Variants in SOAT1 observed in about 807,000 individuals in gnomAD.
SOAT1 encodes sterol O-acyltransferase 1, also known as acyl-coenzyme A:cholesterol acyltransferase 1.
SOAT1 carries 55 observed loss-of-function variants against 69.5 expected under a neutral mutation model. The ratio of observed to expected loss-of-function variants is 0.79; its 90% CI spans 0.64 to 0.99. The LOEUF (loss-of-function observed/expected upper bound fraction) is 0.99. SOAT1 is among the 50% of genes least tolerant of loss of function. The pLI is 0.00. For missense variants in SOAT1, 580 were observed against 669.3 expected, an observed-to-expected ratio of 0.87 and a Z score of 1.47; for synonymous variants, 231 against 224.7, an observed-to-expected ratio of 1.03 and a Z score of -0.25.
At chr1:179,299,578 T>C (rs1477752653) in intron 1 of SOAT1, among the ~76,000 whole-genome samples, 1 of 152,102 alleles carries the variant, frequency 6.6e-6, no homozygotes, top group African/African-American at 2.4e-5. Context: ...CAATAGTATC[T>C]GTCTTGATTC....
chr1:179,318,185 A>T (rs1484011870), intron 2 of SOAT1, among the ~76,000 whole-genome samples: 1 of 152,066 alleles, frequency 6.6e-6, no homozygotes, highest in Non-Finnish European at 1.5e-5. Flanking sequence ...ACAGAGTGAG[A>T]TCCTGTCTCA....
At chr1:179,330,067 A>G (rs1366919258) in intron 3 of SOAT1, among the ~76,000 whole-genome samples, 2 of 152,182 alleles carry the variant, frequency 1.3e-5, no homozygotes, top group African/African-American at 4.8e-5. Context: ...AGACAGTGGT[A>G]AAGCAGTAGA....
In SOAT1 at chr1:179,345,017, A is replaced by G. The variant is rs748726759; in HGVS notation, c.1058A>G (p.Lys353Arg). The change falls in exon 11 of 16, where the codon AAA becomes AGA. Residue 353 changes from lysine (K) to arginine (R), a missense_variant. By Grantham distance (26) the Lys-to-Arg change is conservative. Transcript: ENST00000367619. ...TGTGCCCCCTTGTTTCGGAATATCA[A>G]ACAGGAGCCCTTCAGCGCTCGTGTT... ...RLCAPLFRNI[K>R]QEPFSARVLV... 1 of 1,614,160 alleles carries G rather than the reference A, an allele frequency of 6.2e-7. No homozygotes were observed. Among genetic ancestry groups the G allele is most frequent in the South Asian group, 1.1e-5 (1 of 91,080 alleles).
At chr1:179,335,214 G>A (rs61824370) in intron 3 of SOAT1, among the ~76,000 whole-genome samples, 1,690 of 151,506 alleles carry the variant, frequency 0.011, 11 homozygotes, top group South Asian at 0.026. Context: ...AATATTTGCC[G>A]GCAGTGGTGG....
In SOAT1 at chr1:179,342,163, G is replaced by A. The variant is rs761415537; in HGVS notation, c.830G>A (p.Arg277Gln). ...TCATTTGTCAGAGAGAACGTGCCTC[G>A]GGTACTAAATTCAGCTAAGGAGAAA... ...AHSFVRENVP[R>Q]VLNSAKEKSS... The change falls in exon 8 of 16, where the codon CGG becomes CAG. Residue 277 changes from arginine to glutamine, a missense_variant. Coordinates refer to ENST00000367619, the MANE Select transcript of SOAT1 (RefSeq NM_003101.6). 4 of 1,613,066 alleles carry A rather than the reference G, an allele frequency of 2.5e-6. No homozygotes were observed. Among genetic ancestry groups the A allele is most frequent in the East Asian group, 4.5e-5 (2 of 44,832 alleles).
intron 3 of SOAT1, among the ~76,000 whole-genome samples, chr1:179,331,722 AAG>A (rs1252373451): frequency 6.6e-6 from 1 of 152,228 alleles, no homozygotes; most frequent in Non-Finnish European, 1.5e-5. Context: ...GAGATTCAGT[AAG>A]AGAGAATAGA....
chr1:179,302,504 G>C (rs150547067), intron 1 of SOAT1, among the ~76,000 whole-genome samples, 173 bp from the exon 2 acceptor site: 2 of 152,302 alleles, frequency 1.3e-5, no homozygotes, highest in African/African-American at 4.8e-5. Context: ...CGTAAGACAT[G>C]CCTTGCCTCC....
intron 2 of SOAT1, among the ~76,000 whole-genome samples, chr1:179,308,708 A>G (rs995643136): frequency 2.0e-5 from 3 of 151,928 alleles, no homozygotes; most frequent in Non-Finnish European, 2.9e-5. Flanking sequence ...TATTAAACCA[A>G]TTGCTCAAAT....
At chr1:179,349,352 A>G (rs1438318176) in intron 13 of SOAT1, among the ~76,000 whole-genome samples, 15 of 97,046 alleles carry the variant, frequency 1.5e-4, no homozygotes, top group East Asian at 2.9e-4. Flanking sequence ...TTTTTGAGAG[A>G]GTTTCGCTCT....
At chr1:179,335,289 T>A in intron 3 of SOAT1, among the ~76,000 whole-genome samples, 1 of 152,178 alleles carries the variant, frequency 6.6e-6, no homozygotes, top group Non-Finnish European at 1.5e-5. Context: ...ACAAGGGGTA[T>A]ACATTTTAAA....
rs550749902 is a variant in SOAT1 at position 179,357,913 on chromosome 1, G to A, written c.*4272G>A. On this transcript the variant is annotated 3_prime_UTR_variant, in exon 16 of 16. Coordinates refer to ENST00000367619, the MANE Select transcript of SOAT1 (RefSeq NM_003101.6). ...CAGTTCCCTCCATTTCAGAGCCATG[G>A]GCAACAGAGCGAGACCCTGTCTCAA... 1.3e-5 allele frequency: 2 copies of A among 151,766 alleles called. No individual in the cohort carries two copies. Among genetic ancestry groups the A allele is most frequent in the East Asian group, 3.9e-4 (2 of 5,154 alleles). The allele number at this position is 151,766 out of a possible 1,614,324, so 9.4% of individuals were successfully genotyped here. A position where few individuals can be genotyped will look rare whatever the true frequency, so the allele number is the denominator to read the frequency against.
At chr1:179,305,175 T>A (rs2124938981) in intron 2 of SOAT1, among the ~76,000 whole-genome samples, 1 of 152,304 alleles carries the variant, frequency 6.6e-6, no homozygotes, top group Non-Finnish European at 1.5e-5. Context: ...TGGGCATTTC[T>A]TATAAGGGGA....
intron 1 of SOAT1, among the ~76,000 whole-genome samples, chr1:179,294,942 T>TC (rs1664581841): frequency 1.4e-5 from 1 of 72,882 alleles, no homozygotes. Flanking sequence ...AATTTGAAGC[T>TC]TTTTTTTTTT....
chr1:179,326,968 A>G (rs1665816892), intron 3 of SOAT1, among the ~76,000 whole-genome samples: 10 of 152,206 alleles, frequency 6.6e-5, no homozygotes, highest in Admixed American at 6.5e-4. Flanking sequence ...AGCTATTGTA[A>G]TATTTTAGTA....
intron 2 of SOAT1, among the ~76,000 whole-genome samples, chr1:179,310,987 G>T (rs771296984): frequency 1.8e-4 from 28 of 152,178 alleles, no homozygotes; most frequent in Admixed American, 5.9e-4. Context: ...AGGAGACAAG[G>T]ATTTCTTCAG....
intron 10 of SOAT1, among the ~76,000 whole-genome samples, chr1:179,344,396 A>G (rs1165372881): frequency 1.9e-5 from 2 of 107,918 alleles, no homozygotes; most frequent in Admixed American, 1.2e-4. Context: ...TTTTTTTGAG[A>G]AGGAGTCCTG....
At chr1:179,298,007 A>AG (rs1664710587) in intron 1 of SOAT1, among the ~76,000 whole-genome samples, 1 of 151,292 alleles carries the variant, frequency 6.6e-6, no homozygotes, top group African/African-American at 2.4e-5. Flanking sequence ...TGTCTCAAAA[A>AG]AAAAAAAAGA....
At chr1:179,326,599 C>T (rs1368863928) in intron 3 of SOAT1, among the ~76,000 whole-genome samples, 1 of 148,634 alleles carries the variant, frequency 6.7e-6, no homozygotes, top group East Asian at 2.0e-4. Context: ...ACTGTGTCGC[C>T]CAGGCTGGAG....
At chr1:179,334,999 G>T (rs1666098110) in intron 3 of SOAT1, among the ~76,000 whole-genome samples, 2 of 86,840 alleles carry the variant, frequency 2.3e-5, no homozygotes, top group Non-Finnish European at 4.2e-5. Context: ...TAGGCAACAA[G>T]AGGAAAACTC....
Sources: allele counts gnomAD v4.1 joint callset (sites outside exome capture counted in the v4.1 genomes callset), GRCh38; gene constraint gnomAD v4.1.1; transcripts MANE v1.5; gene names NCBI Gene and HGNC (gene_info 2026-07-23, HGNC 2026-07-21).